KIAA0319L: variants seen among roughly 807,000 people sequenced by gnomAD.
KIAA0319L encodes dyslexia-associated protein KIAA0319-like protein.
A neutral mutation model predicts 120.1 loss-of-function variants in KIAA0319L; 55 were observed. The ratio of observed to expected loss-of-function variants is 0.46; its 90% CI spans 0.37 to 0.57. The LOEUF (loss-of-function observed/expected upper bound fraction) is 0.57. Ranked by LOEUF, KIAA0319L falls within the 20% of genes least tolerant of loss-of-function variation. The probability of loss-of-function intolerance (pLI) is 0.00; values close to 1 mark genes in which losing one functional copy is unlikely to be tolerated. For synonymous variants in KIAA0319L, 398 were observed against 471.9 expected (o/e 0.84, Z 2.03); for missense variants, 1,049 against 1,255.3 (o/e 0.84, Z 2.48).
intron 2 of KIAA0319L, among the ~76,000 whole-genome samples, chr1:35,549,673 T>G (rs1448630087): frequency 6.6e-6 from 1 of 152,326 alleles, no homozygotes; most frequent in South Asian, 2.1e-4. Context: ...TCTTCAGATG[T>G]ATACATTCTT....
chr1:35,442,057 G>A (rs1641265071), intron 19 of KIAA0319L, among the ~76,000 whole-genome samples, 189 bp downstream of exon 19: 1 of 152,190 alleles, frequency 6.6e-6, no homozygotes, highest in African/African-American at 2.4e-5. Context: ...CTGAAGGAGT[G>A]TGCCTCTGCC....
intron 3 of KIAA0319L, among the ~76,000 whole-genome samples, chr1:35,489,745 T>C (rs1479757298): frequency 2.0e-5 from 3 of 151,100 alleles, no homozygotes; most frequent in Non-Finnish European, 4.4e-5. Context: ...CCACTCACTG[T>C]AACCTCTGCC....
chr1:35,546,930 G>A (rs1349988893), intron 2 of KIAA0319L, among the ~76,000 whole-genome samples: 1 of 150,002 alleles, frequency 6.7e-6, no homozygotes, highest in Non-Finnish European at 1.5e-5. Flanking sequence ...TAAACCAAGA[G>A]TTACCATAAC....
At chr1:35,537,782 T>A (rs904859882) in intron 2 of KIAA0319L, among the ~76,000 whole-genome samples, 1 of 152,090 alleles carries the variant, frequency 6.6e-6, no homozygotes, top group Non-Finnish European at 1.5e-5. Context: ...AAAGCAAAAC[T>A]GTGTGAGTAG....
chr1:35,457,904 T>A (rs1642599374), intron 9 of KIAA0319L, among the ~76,000 whole-genome samples: 1 of 152,212 alleles, frequency 6.6e-6, no homozygotes, highest in Non-Finnish European at 1.5e-5. Flanking sequence ...CTTTTCCTAG[T>A]TTCTCTGTTG....
intron 8 of KIAA0319L, among the ~76,000 whole-genome samples, chr1:35,461,183 T>C (rs1642865164): frequency 6.6e-6 from 1 of 152,202 alleles, no homozygotes; most frequent in Non-Finnish European, 1.5e-5. Context: ...AAAAATTCTC[T>C]AGGCCAGGCA....
intron 3 of KIAA0319L, among the ~76,000 whole-genome samples, chr1:35,482,404 G>A (rs1644209203): frequency 6.6e-6 from 1 of 150,810 alleles, no homozygotes; most frequent in African/African-American, 2.4e-5. Flanking sequence ...TACAAATCAA[G>A]CTGTTATAAC....
intron 3 of KIAA0319L, among the ~76,000 whole-genome samples, chr1:35,482,240 T>C (rs1273576144): frequency 1.3e-5 from 2 of 152,214 alleles, no homozygotes; most frequent in African/African-American, 4.8e-5. Flanking sequence ...AAAATTATTT[T>C]GTATGAATAA....
chr1:35,467,391 T>C (rs557624963), intron 6 of KIAA0319L, among the ~76,000 whole-genome samples: 13 of 139,194 alleles, frequency 9.3e-5, no homozygotes, highest in African/African-American at 2.9e-4. Context: ...AGCATATCAC[T>C]ATCATAACAC....
At chr1:35,500,443 C>T (rs960641426) in intron 3 of KIAA0319L, among the ~76,000 whole-genome samples, 11 of 152,220 alleles carry the variant, frequency 7.2e-5, no homozygotes, top group South Asian at 2.1e-4. Flanking sequence ...AGTTGAGAAA[C>T]GGGAATATAT....
chr1:35,524,986 C>A (rs1646065990), intron 2 of KIAA0319L, among the ~76,000 whole-genome samples: 1 of 152,156 alleles, frequency 6.6e-6, no homozygotes, highest in African/African-American at 2.4e-5. Flanking sequence ...AACCTCTCCT[C>A]ATCCCCCTAC....
Position 35,444,261 on chromosome 1 carries a change from CT to C in KIAA0319L, c.2555del (p.Gln852ArgfsTer24). 6.2e-7 allele frequency: 1 copy of C among 1,609,522 alleles called. No individual in the cohort carries two copies. Among genetic ancestry groups the C allele is most frequent in the Non-Finnish European group, 8.5e-7 (1 of 1,178,208 alleles). Reference sequence around the variant, plus strand: ...CTGCCACCTCATGGCCTTTGAAGATCTGGTGGGGAGGCTCGTTTTGAACAAA... The same window carrying C: ...CTGCCACCTCATGGCCTTTGAAGATCGGTGGGGAGGCTCGTTTTGAACAAA... ...VFFVQNEPPH[Q>X]IFKGHEVAAM... On this transcript the variant is annotated frameshift_variant, in exon 17 of 21. Transcript: ENST00000325722. LOFTEE classifies it high-confidence loss of function.
chr1:35,546,268 G>C (rs1646978499), intron 2 of KIAA0319L, among the ~76,000 whole-genome samples: 2 of 152,182 alleles, frequency 1.3e-5, no homozygotes, highest in South Asian at 4.1e-4. Flanking sequence ...GCTGTGCATT[G>C]GCTAAGAGGA....
chr1:35,443,757 G>A (rs1641406372), intron 17 of KIAA0319L, among the ~76,000 whole-genome samples: 1 of 152,002 alleles, frequency 6.6e-6, no homozygotes, highest in Non-Finnish European at 1.5e-5. Context: ...TCATAATTTT[G>A]AAGTAGTGAT....
chr1:35,526,049 T>C (rs1646113350), intron 2 of KIAA0319L, among the ~76,000 whole-genome samples: 1 of 151,994 alleles, frequency 6.6e-6, no homozygotes, highest in African/African-American at 2.4e-5. Flanking sequence ...CATTCTTCTG[T>C]GTATGAGTAT....
intron 2 of KIAA0319L, among the ~76,000 whole-genome samples, chr1:35,520,511 A>G (rs1645868566): frequency 6.6e-6 from 1 of 152,034 alleles, no homozygotes; most frequent in South Asian, 2.1e-4. Flanking sequence ...CTCCCACCTT[A>G]GCCTCCCAAA....
intron 3 of KIAA0319L, among the ~76,000 whole-genome samples, chr1:35,495,685 C>T (rs185830013): frequency 1.2e-4 from 19 of 152,090 alleles, no homozygotes; most frequent in African/African-American, 4.1e-4. Context: ...TAGGGTCTCA[C>T]TCTGTCACCC....
intron 5 of KIAA0319L, among the ~76,000 whole-genome samples, chr1:35,473,480 T>C (rs1375101898): frequency 6.6e-6 from 1 of 152,098 alleles, no homozygotes; most frequent in African/African-American, 2.4e-5. Context: ...CATGCAAATA[T>C]GGGTTAGGAA....
At chr1:35,532,222 C>T (rs1185471956) in intron 2 of KIAA0319L, among the ~76,000 whole-genome samples, 1 of 146,828 alleles carries the variant, frequency 6.8e-6, no homozygotes, top group Non-Finnish European at 1.5e-5. Flanking sequence ...GCCTGGGCGA[C>T]AGAGTGAGAC....
Sources: gnomAD v4.1 joint callset for allele counts (sites outside exome capture counted in the v4.1 genomes callset) on GRCh38, gnomAD v4.1.1 for gene constraint, MANE v1.5 for transcripts, NCBI Gene and HGNC (gene_info 2026-07-23, HGNC 2026-07-21) for gene names.